Variants in NSD1 observed in about 807,000 individuals in gnomAD.
The protein encoded by NSD1 is histone-lysine N-methyltransferase, H3 lysine-36 specific.
A neutral mutation model predicts 242.7 loss-of-function variants in NSD1; 26 were observed. That is an observed-to-expected ratio of 0.11 (90% CI 0.08 to 0.15). NSD1 has a LOEUF of 0.15. Among genes scored for constraint, NSD1 ranks in the 10% least tolerant of loss-of-function variants. The pLI is 1.00. For synonymous variants in NSD1, 1,106 were observed against 1,178.1 expected (o/e 0.94, Z 1.25); for missense variants, 2,495 against 3,272.8 (o/e 0.76, Z 5.80).
intron 4 of NSD1, among the ~76,000 whole-genome samples, chr5:177,204,540 C>T (rs1762739473): frequency 1.3e-5 from 2 of 152,072 alleles, no homozygotes; most frequent in African/African-American, 4.8e-5. Flanking sequence ...TTAGTAGAGA[C>T]AGGATTTCGC....
At chr5:177,267,386 G>T (rs1272761095) in intron 14 of NSD1, among the ~76,000 whole-genome samples, 176 bp from the exon 15 acceptor site, 2 of 152,150 alleles carry the variant, frequency 1.3e-5, no homozygotes, top group African/African-American at 4.8e-5. Context: ...AACCTGACGA[G>T]AGTTAAATAA....
At chr5:177,209,178 G>T (rs1482956891) in intron 4 of NSD1, among the ~76,000 whole-genome samples, 8 of 151,966 alleles carry the variant, frequency 5.3e-5, no homozygotes, top group Non-Finnish European at 1.0e-4. Flanking sequence ...TTGAGCTCAG[G>T]TGCTAACTAC....
chr5:177,228,328 C>T (rs1764796727), intron 5 of NSD1, among the ~76,000 whole-genome samples: 1 of 148,212 alleles, frequency 6.7e-6, no homozygotes, highest in Non-Finnish European at 1.5e-5. Context: ...GTGGCATGAT[C>T]TTGACTTATG....
chr5:177,174,308 C>G (rs1019704296), intron 2 of NSD1, among the ~76,000 whole-genome samples: 1 of 152,046 alleles, frequency 6.6e-6, no homozygotes, highest in African/African-American at 2.4e-5. Context: ...GAGCCGAGAT[C>G]GCGCCACTGC....
At chr5:177,278,290 T>G (rs897217098) in intron 17 of NSD1, among the ~76,000 whole-genome samples, 2 of 152,166 alleles carry the variant, frequency 1.3e-5, no homozygotes, top group Non-Finnish European at 2.9e-5. Flanking sequence ...ATAATTTTTT[T>G]GTAGACATAG....
chr5:177,218,465 G>A (rs537061334), intron 5 of NSD1, among the ~76,000 whole-genome samples: 1 of 151,654 alleles, frequency 6.6e-6, no homozygotes, highest in Non-Finnish European at 1.5e-5. Context: ...GTTTTTTTGG[G>A]GTCCTTTATT....
Position 177,246,602 on chromosome 5 carries a change from T to G in NSD1, c.4379-76T>G. The G allele has an allele frequency of 2.9e-6, 3 of 1,020,238 alleles. No homozygotes were observed. The South Asian group carries it at 3.8e-5, about 13-fold the overall frequency. The allele number at this position is 1,020,238 out of a possible 1,614,324, so 63.2% of individuals were successfully genotyped here. ...TTAAATGAGTTTTAAGGTTGGTTTT[T>G]ATTCTAATAATAGGATAAGAGATTT... On this transcript the variant is annotated intron_variant, in intron 9 of 22. Transcript: ENST00000439151.
At chr5:177,257,843 T>TTTTA (rs1437016645) in intron 13 of NSD1, among the ~76,000 whole-genome samples, 21 of 144,666 alleles carry the variant, frequency 1.5e-4, no homozygotes, top group Middle Eastern at 3.2e-3. Context: ...TTTTATTTTA[T>TTTTA]TTTTTTTTGA....
At chr5:177,144,209 G>A (rs1188056809) in intron 2 of NSD1, among the ~76,000 whole-genome samples, 2 of 151,174 alleles carry the variant, frequency 1.3e-5, no homozygotes, top group African/African-American at 4.9e-5. Context: ...TTTCAAGAAA[G>A]ATATTTTTGA....
At chr5:177,273,310 G>A (rs934617504) in intron 16 of NSD1, among the ~76,000 whole-genome samples, 41 of 34,112 alleles carry the variant, frequency 1.2e-3, no homozygotes, top group Non-Finnish European at 2.0e-3. Context: ...TAACTGATGA[G>A]CTAAAAAAAA....
chr5:177,154,758 C>T (rs546462280), intron 2 of NSD1, among the ~76,000 whole-genome samples: 4 of 152,120 alleles, frequency 2.6e-5, no homozygotes, highest in South Asian at 4.2e-4. Context: ...TGCAATGGTG[C>T]GATCTCGGCT....
At chr5:177,240,975 C>T (rs73347644) in intron 8 of NSD1, among the ~76,000 whole-genome samples, 1,756 of 152,160 alleles carry the variant, frequency 0.012, 34 homozygotes, top group African/African-American at 0.04. Flanking sequence ...GCTATGATTG[C>T]GCTATTGCAC....
chr5:177,237,993 A>G (rs1411409375), intron 6 of NSD1, among the ~76,000 whole-genome samples: 2 of 152,194 alleles, frequency 1.3e-5, no homozygotes, highest in East Asian at 3.8e-4. Flanking sequence ...GCCCCTGGCA[A>G]TTGCCATTCT....
rs200548841 is a variant in NSD1, at chr5:177,255,304, C to CAA, written c.4766-1634_4766-1633dup. ...TGGGCGAGAGAGGGAGATTGAGTCTCAAAAAAAAAAAAAAGTTACCAGTTA... is the reference window on the plus strand; with the variant it reads ...TGGGCGAGAGAGGGAGATTGAGTCTCAAAAAAAAAAAAAAAAGTTACCAGTTA... On this transcript the variant is annotated intron_variant, in intron 12 of 22. Coordinates refer to ENST00000439151, the MANE Select transcript of NSD1 (RefSeq NM_022455.5). 6.2e-5 allele frequency among the ~76,000 whole-genome samples: 8 copies of CAA among 129,782 alleles called. No individual in the cohort carries two copies. In the South Asian group the frequency reaches 7.3e-4, roughly 12 times the overall value. 85.1% of individuals were successfully genotyped at this position (129,782 alleles called of 152,430 possible).
At chr5:177,282,614 C>G (rs762025940) in intron 19 of NSD1, 33 bp downstream of exon 19, 1 of 1,417,034 alleles carries the variant, frequency 7.1e-7, no homozygotes, top group Non-Finnish European at 1.0e-6. Flanking sequence ...TTCACTGTTA[C>G]AAGATTGTAA....
intron 14 of NSD1, among the ~76,000 whole-genome samples, chr5:177,264,028 A>T (rs925490193): frequency 2.9e-4 from 22 of 76,390 alleles, no homozygotes; most frequent in Admixed American, 9.6e-4. Flanking sequence ...CAATGAACCA[A>T]TTTTTTTTTT....
chr5:177,267,826 A>G, intron 15 of NSD1, 108 bp downstream of exon 15: 1 of 1,079,320 alleles, frequency 9.3e-7, no homozygotes, highest in Admixed American at 1.8e-5. Context: ...TACTCATGGT[A>G]CTCCTCCCCT....
rs536264092 is a variant in NSD1, at chr5:177,296,158, A to G, written c.*699A>G. ...GCGCACACTCACAGAGGTCTCCTCT[A>G]TAGATGCAAGGGTGCTGCATTGAGG... On this transcript the variant is annotated 3_prime_UTR_variant, in exon 23 of 23. Coordinates refer to ENST00000439151, the MANE Select transcript of NSD1 (RefSeq NM_022455.5). 197 of 242,688 alleles carry G rather than the reference A, an allele frequency of 8.1e-4. 2 individuals are homozygous for G. In the East Asian group the frequency reaches 9.0e-3, roughly 11 times the overall value. The allele number at this position is 242,688 out of a possible 1,614,324, so 15.0% of individuals were successfully genotyped here.
chr5:177,243,449 CGGCCTCCCAAA>C (rs1181163693), intron 8 of NSD1, among the ~76,000 whole-genome samples: 3 of 152,180 alleles, frequency 2.0e-5, no homozygotes, highest in Non-Finnish European at 4.4e-5. Context: ...CTGCCCCCCT[CGGCCTCCCAAA>C]GTGCTGAGAT....
Sources: gnomAD v4.1 joint callset for allele counts (sites outside exome capture counted in the v4.1 genomes callset) on GRCh38, gnomAD v4.1.1 for gene constraint, MANE v1.5 for transcripts, NCBI Gene and HGNC (gene_info 2026-07-23, HGNC 2026-07-21) for gene names.